The following FBN2 variants were observed in gnomAD, a reference collection of about 807,000 sequenced individuals.
FBN2 encodes fibrillin-2.
In FBN2, 105 loss-of-function variants were observed where a neutral mutation model predicts 355.6. The observed-to-expected ratio is 0.30, with a 90% confidence interval of 0.25 to 0.35. The LOEUF is 0.35. FBN2 is among the 10% of genes least tolerant of loss of function. FBN2 has a pLI of 1.00. For missense variants in FBN2, 3,280 were observed against 3,758.7 expected (o/e 0.87, Z 3.33); for synonymous variants, 1,350 against 1,301.2 (o/e 1.04, Z -0.81).
intron 26 of FBN2, among the ~76,000 whole-genome samples, chr5:128,338,437 T>C (rs1324002333): frequency 6.6e-6 from 1 of 152,180 alleles, no homozygotes. Flanking sequence ...TATCCTGGTG[T>C]CTGTAACGCT....
intron 25 of FBN2, among the ~76,000 whole-genome samples, chr5:128,340,726 TAGAA>T (rs1561779262): frequency 6.6e-6 from 1 of 152,214 alleles, no homozygotes; most frequent in East Asian, 1.9e-4. Flanking sequence ...TTATTTGTCA[TAGAA>T]TCCACCTCAT....
chr5:128,459,366 A>G (rs1336945093), intron 6 of FBN2, among the ~76,000 whole-genome samples: 2 of 152,208 alleles, frequency 1.3e-5, no homozygotes, highest in African/African-American at 4.8e-5. Flanking sequence ...GAATTCTACA[A>G]GAAACACAAA....
At chr5:128,376,657 T>C (rs1248372699) in intron 14 of FBN2, 74 bp downstream of exon 14, 2 of 1,550,740 alleles carry the variant, frequency 1.3e-6, no homozygotes, top group East Asian at 4.5e-5. Flanking sequence ...GCTGAAGTAA[T>C]TCTTCCATGG....
At chr5:128,439,718 C>T (rs570318223) in intron 7 of FBN2, among the ~76,000 whole-genome samples, 1 of 151,346 alleles carries the variant, frequency 6.6e-6, no homozygotes, top group South Asian at 2.1e-4. Context: ...TCTTTTATTG[C>T]CATGTAATTT....
chr5:128,378,005 G>A, intron 12 of FBN2, 128 bp from the exon 13 acceptor site: 2 of 689,780 alleles, frequency 2.9e-6, no homozygotes, highest in Non-Finnish European at 4.5e-6. Flanking sequence ...CTGTCTCTCA[G>A]CAGTTTTTTT....
chr5:128,372,297 T>C (rs1291872787), intron 15 of FBN2, among the ~76,000 whole-genome samples: 4 of 152,236 alleles, frequency 2.6e-5, no homozygotes, highest in Non-Finnish European at 5.9e-5. Flanking sequence ...GATAAAGATA[T>C]GATTGCCTTT....
At chr5:128,317,163 C>T (rs979328753) in intron 36 of FBN2, among the ~76,000 whole-genome samples, 1 of 152,070 alleles carries the variant, frequency 6.6e-6, no homozygotes, top group Admixed American at 6.6e-5. Flanking sequence ...GCTGTGACTC[C>T]CCCATCCCTA....
chr5:128,273,157 C>G (rs1765307692), intron 61 of FBN2, among the ~76,000 whole-genome samples: 1 of 152,180 alleles, frequency 6.6e-6, no homozygotes, highest in South Asian at 2.1e-4. Flanking sequence ...CTCATAATCT[C>G]TGGCATGGGT....
At chr5:128,479,407 A>C (rs1203759817) in intron 5 of FBN2, among the ~76,000 whole-genome samples, 1 of 152,182 alleles carries the variant, frequency 6.6e-6, no homozygotes, top group East Asian at 1.9e-4. Context: ...ATACACACAT[A>C]TATGTACGTA....
chr5:128,302,658 G>T (rs1257176705), intron 46 of FBN2, among the ~76,000 whole-genome samples: 1 of 152,100 alleles, frequency 6.6e-6, no homozygotes, highest in Non-Finnish European at 1.5e-5. Context: ...GTCTATTTTT[G>T]ATCTCATTAA....
rs1764908450 is a variant in FBN2, at chr5:128,259,523, C to T, written c.8671G>A (p.Glu2891Lys). ...KELKKLEESNEDDYLLGELGE... is the reference protein window; with the variant it reads ...KELKKLEESNKDDYLLGELGE... The stretch of plus-strand genomic sequence containing the variant: ...AGCTCCCCTAGGAGGTAGTCATCCT[C>T]ATTGCTCTCTTCCAGTTTCTTAAGC... Residue 2891 changes from glutamate (E) to lysine (K), a missense_variant, in exon 65 of 65, where the codon GAG becomes AAG. Coordinates refer to ENST00000262464, the MANE Select transcript of FBN2 (RefSeq NM_001999.4). 6.2e-7 allele frequency: 1 copy of T among 1,614,048 alleles called. No individual in the cohort carries two copies. Among genetic ancestry groups the T allele is most frequent in the Non-Finnish European group, 8.5e-7 (1 of 1,179,996 alleles).
chr5:128,344,086 A>T (rs765608236), intron 25 of FBN2, among the ~76,000 whole-genome samples: 16 of 151,996 alleles, frequency 1.1e-4, no homozygotes, highest in Non-Finnish European at 1.9e-4. Context: ...AAATAAATAA[A>T]TAATTAACTT....
At position 128,442,393 on chromosome 5, in the gene FBN2, C is replaced by T. The variant is rs542228845; in HGVS notation, c.952+4088G>A. 30 of 456,156 alleles carry T rather than the reference C, an allele frequency of 6.6e-5. 1 individual carries two copies. Among genetic ancestry groups the T allele is most frequent in the South Asian group, 4.5e-4 (29 of 64,438 alleles). The allele number at this position is 456,156 out of a possible 1,614,324, so 28.3% of individuals were successfully genotyped here. A position where few individuals can be genotyped will look rare whatever the true frequency, so the allele number is the denominator to read the frequency against. ...ATGGACTGAAATTCAAACGAAAATACTTTATTGTACAAAAGAAAAACGCTG... is the reference window on the plus strand; with the variant it reads ...ATGGACTGAAATTCAAACGAAAATATTTTATTGTACAAAAGAAAAACGCTG... On this transcript the variant is annotated intron_variant, in intron 7 of 64. Transcript: ENST00000262464.
chr5:128,278,864 G>C, intron 56 of FBN2, 23 bp from the exon 57 acceptor site: 2 of 1,589,924 alleles, frequency 1.3e-6, no homozygotes, highest in Non-Finnish European at 8.6e-7. Context: ...AGTAGAAAGA[G>C]TTAAGGATGC....
At chr5:128,452,655 T>G (rs975531972) in intron 6 of FBN2, among the ~76,000 whole-genome samples, 23 of 152,220 alleles carry the variant, frequency 1.5e-4, no homozygotes, top group Non-Finnish European at 2.4e-4. Flanking sequence ...TTTCATAGCG[T>G]GTTTTTTAAC....
chr5:128,333,316 A>G (rs1239828087), intron 31 of FBN2, among the ~76,000 whole-genome samples: 1 of 152,168 alleles, frequency 6.6e-6, no homozygotes, highest in African/African-American at 2.4e-5. Flanking sequence ...TATGTGTATT[A>G]TCCTGGGGCC....
intron 8 of FBN2, among the ~76,000 whole-genome samples, chr5:128,398,652 G>A (rs1164418543): frequency 6.6e-6 from 1 of 152,138 alleles, no homozygotes; most frequent in Non-Finnish European, 1.5e-5. Flanking sequence ...AAGAGGTTAA[G>A]AAATATGAAG....
intron 11 of FBN2, among the ~76,000 whole-genome samples, chr5:128,383,126 G>A (rs963890730): frequency 6.6e-5 from 10 of 152,020 alleles, no homozygotes; most frequent in African/African-American, 2.4e-4. Context: ...TGCAGACAGG[G>A]GGAACACTGG....
chr5:128,500,335 T>A (rs1278076993), intron 5 of FBN2, among the ~76,000 whole-genome samples: 3 of 150,940 alleles, frequency 2.0e-5, no homozygotes, highest in Admixed American at 6.6e-5. Context: ...CTGACATGTT[T>A]GAAAAACAAC....
Sources: gnomAD v4.1 joint callset for allele counts (sites outside exome capture counted in the v4.1 genomes callset) on GRCh38, gnomAD v4.1.1 for gene constraint, MANE v1.5 for transcripts, NCBI Gene and HGNC (gene_info 2026-07-23, HGNC 2026-07-21) for gene names.